The following MARCHF2 variants were observed in gnomAD, a reference collection of about 807,000 sequenced individuals.
MARCHF2 encodes membrane associated ring-CH-type finger 2.
Under a neutral mutation model 24.0 loss-of-function variants are expected in MARCHF2, and 22 were observed. The observed-to-expected ratio is 0.92, with a 90% CI of 0.66 to 1.31. The LOEUF is 1.31. Ranked by LOEUF, MARCHF2 falls within the 50% of genes most tolerant of loss-of-function variation. The pLI is 0.00. For missense variants in MARCHF2, 301 were observed against 335.3 expected (o/e 0.90, Z 0.80); for synonymous variants, 154 against 153.0 (o/e 1.01, Z -0.05).
chr19:8,421,990 C>G lies in MARCHF2; in HGVS notation c.150C>G (p.Thr50=). The G allele has an allele frequency of 6.2e-7, 1 of 1,613,174 alleles. No homozygotes were observed. The highest frequency in any genetic ancestry group is 8.5e-7 in the Non-Finnish European group (1 of 1,179,680). ...VTSRDGRLLS[T]VIRALDTPSD... is the part of the protein sequence containing the mutation. ...CAAGGGATGGCCGGCTCCTCTCCACCGTCATCCGTGCCTTGGACACACCGA... is the reference window on the plus strand; with the variant it reads ...CAAGGGATGGCCGGCTCCTCTCCACGGTCATCCGTGCCTTGGACACACCGA... The change falls in exon 2 of 5, where the codon ACC becomes ACG. Residue 50 remains threonine (T), a synonymous_variant. Transcript: ENST00000215555.
At chr19:8,435,934 C>T (rs1967708429) in intron 4 of MARCHF2, among the ~76,000 whole-genome samples, 1 of 151,516 alleles carries the variant, frequency 6.6e-6, no homozygotes, top group Non-Finnish European at 1.5e-5. Context: ...TCATGGCTCA[C>T]TGCAGCCTCA....
At chr19:8,420,044 G>A (rs1388824783) in intron 1 of MARCHF2, among the ~76,000 whole-genome samples, 2 of 150,144 alleles carry the variant, frequency 1.3e-5, no homozygotes, top group Non-Finnish European at 3.0e-5. Flanking sequence ...TGTAGTCCCA[G>A]CTACTCAGGA....
At chr19:8,424,135 C>T (rs1214437907) in intron 2 of MARCHF2, among the ~76,000 whole-genome samples, 2 of 152,174 alleles carry the variant, frequency 1.3e-5, no homozygotes, top group African/African-American at 2.4e-5. Flanking sequence ...GCTGTTTGGC[C>T]TCTGGGCCAC....
chr19:8,415,169 C>T (rs148436164), intron 1 of MARCHF2, among the ~76,000 whole-genome samples: 165 of 152,040 alleles, frequency 1.1e-3, no homozygotes, highest in Middle Eastern at 0.01. Flanking sequence ...GAGGCCAAGG[C>T]GGGCAGATCA....
intron 2 of MARCHF2, among the ~76,000 whole-genome samples, chr19:8,426,230 CAAAAAAAAAAAAA>C (rs71175854): frequency 4.6e-5 from 2 of 43,314 alleles, no homozygotes; most frequent in African/African-American, 1.4e-4. Context: ...GACTCTGTCT[CAAAAAAAAAAAAA>C]AAAAAAAAAA....
At chr19:8,432,176 GAAAGA>G (rs1381364849) in intron 4 of MARCHF2, among the ~76,000 whole-genome samples, 1 of 151,618 alleles carries the variant, frequency 6.6e-6, no homozygotes, top group Admixed American at 6.6e-5. Flanking sequence ...GAAAAAGAAA[GAAAGA>G]AAAGAAAAGA....
At chr19:8,429,965 CTTGAG>C (rs1355779599) in intron 3 of MARCHF2, among the ~76,000 whole-genome samples, 2 of 152,150 alleles carry the variant, frequency 1.3e-5, no homozygotes, top group Non-Finnish European at 2.9e-5. Flanking sequence ...AGTTTGCTCA[CTTGAG>C]TTAATTCCTC....
At position 8,422,016 on chromosome 19, in the gene MARCHF2, G is replaced by A. The variant is rs1967262043; in HGVS notation, c.176G>A (p.Ser59Asn). ...STVIRALDTP[S>N]DGPFCRICHE... ...GTCATCCGTGCCTTGGACACACCGA[G>A]GTGAGTGGTGACTGCGTGGATATCC... Residue 59 changes from serine (S) to asparagine (N), a missense_variant and splice_region_variant, in exon 2 of 5, where the codon AGT becomes AAT. Transcript: ENST00000215555. 6.2e-7 allele frequency: 1 copy of A among 1,606,250 alleles called. No individual in the cohort carries two copies. Among genetic ancestry groups the A allele is most frequent in the African/African-American group, 1.3e-5 (1 of 74,724 alleles).
At chr19:8,415,530 C>CCAA in intron 1 of MARCHF2, among the ~76,000 whole-genome samples, 1 of 151,328 alleles carries the variant, frequency 6.6e-6, no homozygotes, top group East Asian at 1.9e-4. Context: ...ACCATCCTGG[C>CCAA]CAACATGGTG....
At chr19:8,437,596 C>G (rs1967763649) in intron 4 of MARCHF2, among the ~76,000 whole-genome samples, 1 of 151,720 alleles carries the variant, frequency 6.6e-6, no homozygotes, top group African/African-American at 2.4e-5. Flanking sequence ...CATGATCCAC[C>G]TGCCTTGGCC....
In MARCHF2 at chr19:8,431,157, TGA is replaced by T. The variant is rs569477406; in HGVS notation, c.582+299_582+300del. Among the ~76,000 whole-genome samples the T allele has an allele frequency of 5.8e-4, 89 of 152,162 alleles. 1 individual carries two copies. Among genetic ancestry groups the T allele is most frequent in the African/African-American group, 1.9e-3 (77 of 41,532 alleles). ...AGTGGGGCAGAGAGGAGCAAAAGCCTGAGAGAGAGATCGGGGGAGAACAAGAT... is the reference window on the plus strand; with the variant it reads ...AGTGGGGCAGAGAGGAGCAAAAGCCTGAGAGAGATCGGGGGAGAACAAGAT... On this transcript the variant is annotated intron_variant, in intron 4 of 4. Coordinates refer to ENST00000215555, the MANE Select transcript of MARCHF2 (RefSeq NM_001005415.2).
intron 4 of MARCHF2, among the ~76,000 whole-genome samples, chr19:8,435,561 T>C (rs1362970549): frequency 6.6e-6 from 1 of 152,072 alleles, no homozygotes; most frequent in Non-Finnish European, 1.5e-5. Context: ...TGTTTTGAGA[T>C]GGTATCTCGC....
chr19:8,434,464 G>T (rs1599716921), intron 4 of MARCHF2, among the ~76,000 whole-genome samples: 1 of 138,158 alleles, frequency 7.2e-6, no homozygotes. Flanking sequence ...CATTTTGCTG[G>T]TGTTCTTTAA....
At chr19:8,437,814 G>A (rs549451655) in intron 4 of MARCHF2, among the ~76,000 whole-genome samples, 6 of 151,638 alleles carry the variant, frequency 4.0e-5, no homozygotes, top group East Asian at 3.9e-4. Flanking sequence ...GCGTGATTTC[G>A]GCTCACTGCG....
At chr19:8,437,541 T>C (rs12976614) in intron 4 of MARCHF2, among the ~76,000 whole-genome samples, 129,915 of 150,970 alleles carry the variant, frequency 0.86, 58,404 homozygotes, top group South Asian at 0.99. Context: ...TCAGTAGAGA[T>C]GGCGTTTCAC....
intron 1 of MARCHF2, among the ~76,000 whole-genome samples, chr19:8,419,684 C>T (rs1257415148): frequency 2.7e-5 from 4 of 148,552 alleles, no homozygotes; most frequent in African/African-American, 5.0e-5. Context: ...GGCGTGGTGG[C>T]GGGCGCCTGT....
In MARCHF2 at chr19:8,430,616, TCTCTGCCCCCTCTC is replaced by T. The variant is rs776308219; in HGVS notation, c.373-30_373-17del. ...TTACCCCTCCCCCTCAGTAGCCCCT[TCTCTGCCCCCTCTC>T]CTCTGCCCCCTATCCTCTCCCCTGC... On this transcript the variant is annotated intron_variant, in intron 3 of 4. Coordinates refer to ENST00000215555, the MANE Select transcript of MARCHF2 (RefSeq NM_001005415.2). This position sits in a 1 kb window ranked among gnomAD's most constrained non-coding sequence, Gnocchi z 4.4. 2.1e-5 allele frequency: 32 copies of T among 1,555,456 alleles called. No homozygotes were observed. Among genetic ancestry groups the T allele is most frequent in the African/African-American group, 2.7e-5 (2 of 73,828 alleles).
intron 1 of MARCHF2, among the ~76,000 whole-genome samples, chr19:8,416,924 T>C (rs183763389): frequency 1.4e-3 from 207 of 152,294 alleles, no homozygotes; most frequent in African/African-American, 4.6e-3. Context: ...GAGACACTTA[T>C]AACAACTGTT....
intron 4 of MARCHF2, among the ~76,000 whole-genome samples, chr19:8,435,828 C>CTGTGTGTGTGTGTGTGTGTG (rs35027764): frequency 2.1e-5 from 3 of 141,068 alleles, no homozygotes; most frequent in Non-Finnish European, 4.6e-5. Context: ...TGCACCTGGC[C>CTGTGTGTGTGTGTGTGTGTG]TGTGTGTGTG....
Sources: allele counts gnomAD v4.1 joint callset (sites outside exome capture counted in the v4.1 genomes callset), GRCh38; gene constraint gnomAD v4.1.1; non-coding constraint Gnocchi (gnomAD v3.1); transcripts MANE v1.5; gene names NCBI Gene and HGNC (gene_info 2026-07-23, HGNC 2026-07-21).